The following ZNF682 variants were observed in gnomAD, a reference collection of about 807,000 sequenced individuals.
The protein encoded by ZNF682 is zinc finger protein 682.
A neutral mutation model predicts 36.5 loss-of-function variants in ZNF682; 29 were observed. That is an observed-to-expected ratio of 0.80 (90% CI 0.59 to 1.08). The LOEUF is 1.08. ZNF682 is among the 50% of genes least tolerant of loss of function. ZNF682 has a pLI of 0.00. For synonymous variants in ZNF682, 180 were observed against 197.0 expected, an observed-to-expected ratio of 0.91 and a Z score of 0.72; for missense variants, 561 against 579.7, an observed-to-expected ratio of 0.97 and a Z score of 0.33.
chr19:20,017,030 A>G (rs2088340290), intron 3 of ZNF682, among the ~76,000 whole-genome samples: 1 of 152,132 alleles, frequency 6.6e-6, no homozygotes, highest in South Asian at 2.1e-4. Context: ...ATAAACTCTC[A>G]TTTTTCAAGG....
intron 1 of ZNF682, 85 bp from the exon 2 acceptor site, chr19:20,024,461 T>C: frequency 7.0e-7 from 1 of 1,430,464 alleles, no homozygotes; most frequent in Non-Finnish European, 9.5e-7. Flanking sequence ...TGCTGTGACT[T>C]ATGAGAGTTA....
At chr19:20,024,136 G>T in intron 2 of ZNF682, 114 bp downstream of exon 2, 1 of 1,251,332 alleles carries the variant, frequency 8.0e-7, no homozygotes, top group Non-Finnish European at 1.1e-6. Context: ...TTCCTTGAAA[G>T]CAGAGATCTA....
In ZNF682 at chr19:20,035,270, G is replaced by A. The variant is rs188383006; in HGVS notation, c.3+4073C>T. 1.4e-3 allele frequency among the ~76,000 whole-genome samples: 210 copies of A among 151,986 alleles called. 1 individual carries two copies. Among genetic ancestry groups the A allele is most frequent in the Non-Finnish European group, 2.4e-3 (164 of 67,982 alleles). ...GACGGAGTTTTGCTCTTGTTGCCAC[G>A]GCTGGAGTGCAGTGGCATGATCTTG... is the stretch of plus-strand genomic sequence containing the variant. On this transcript the variant is annotated intron_variant, in intron 1 of 3. Transcript: ENST00000397165.
At chr19:20,010,080 C>T (rs2088270132) in intron 3 of ZNF682, among the ~76,000 whole-genome samples, 1 of 151,872 alleles carries the variant, frequency 6.6e-6, no homozygotes, top group Non-Finnish European at 1.5e-5. Context: ...ATTTTATGTT[C>T]CAGCAAACTA....
At chr19:19,996,736 G>C (rs971493933), downstream of ZNF682, among the ~76,000 whole-genome samples, 4 of 152,148 alleles carry the variant, frequency 2.6e-5, no homozygotes, top group African/African-American at 4.8e-5. Context: ...CTGCTCAGAT[G>C]ATGGGTGCGT....
rs1683653162 is a variant in ZNF682 at position 20,039,472 on chromosome 19, G to A, written c.-127C>T. Reference sequence around the variant, plus strand: ...GCAGAGGATACTAAGCAATGAAGATGGACCCTGAGCTCTGGCTGGAGCGAG... The same window carrying A: ...GCAGAGGATACTAAGCAATGAAGATAGACCCTGAGCTCTGGCTGGAGCGAG... On this transcript the variant is annotated 5_prime_UTR_variant, in exon 1 of 4. Coordinates refer to ENST00000397165, the MANE Select transcript of ZNF682 (RefSeq NM_033196.3). The A allele has an allele frequency of 1.1e-5, 14 of 1,316,926 alleles. No homozygotes were observed. The highest frequency in any genetic ancestry group is 1.9e-4 in the Middle Eastern group (1 of 5,372). The allele number at this position is 1,316,926 out of a possible 1,614,324, so 81.6% of individuals were successfully genotyped here. A position where few individuals can be genotyped will look rare whatever the true frequency, so the allele number is the denominator to read the frequency against.
Position 20,024,360 on chromosome 19 carries a change from C to G in ZNF682, c.20G>C (p.Arg7Thr). Residue 7 changes from arginine (R) to threonine (T), a missense_variant, in exon 2 of 4, where the codon AGG becomes ACG. Transcript: ENST00000397165. ...CAGAGAGAATTCTATGGTCACATCC[C>G]TGAATGTCAACAGTTCCTGAAAAAC... Reference protein sequence around the residue: MELLTFRDVTIEFSLEE... With the variant: MELLTFTDVTIEFSLEE... 1 of 1,611,606 alleles carries G rather than the reference C, an allele frequency of 6.2e-7. No homozygotes were observed. Among genetic ancestry groups the G allele is most frequent in the Non-Finnish European group, 8.5e-7 (1 of 1,179,214 alleles).
intron 3 of ZNF682, among the ~76,000 whole-genome samples, chr19:20,012,527 G>C (rs972103839): frequency 2.6e-5 from 4 of 152,100 alleles, no homozygotes; most frequent in African/African-American, 9.7e-5. Flanking sequence ...CAGCACTTTG[G>C]GAGGCCGAGG....
At chr19:20,019,231 T>A (rs1187342332) in intron 3 of ZNF682, among the ~76,000 whole-genome samples, 2 of 152,094 alleles carry the variant, frequency 1.3e-5, no homozygotes, top group South Asian at 4.1e-4. Context: ...CATTAACAAC[T>A]GTAACCACCC....
chr19:20,028,282 A>G (rs1395988710), intron 1 of ZNF682, among the ~76,000 whole-genome samples: 2 of 152,008 alleles, frequency 1.3e-5, no homozygotes. Context: ...ATCTCGGCTC[A>G]CTGCAATCTT....
intron 1 of ZNF682, 142 bp from the exon 2 acceptor site, chr19:20,024,518 T>C: frequency 9.7e-7 from 1 of 1,035,386 alleles, no homozygotes; most frequent in Non-Finnish European, 1.4e-6. Flanking sequence ...TTCTCTGATG[T>C]ATTCTCTAAC....
At chr19:20,031,937 G>C (rs772498047) in intron 1 of ZNF682, among the ~76,000 whole-genome samples, 9 of 152,202 alleles carry the variant, frequency 5.9e-5, no homozygotes, top group Non-Finnish European at 1.2e-4. Context: ...GAATAACATT[G>C]ATTAGTGATT....
At chr19:20,031,886 C>G (rs1475478597) in intron 1 of ZNF682, among the ~76,000 whole-genome samples, 1 of 151,918 alleles carries the variant, frequency 6.6e-6, no homozygotes, top group East Asian at 1.9e-4. Flanking sequence ...AAAAGTGGGC[C>G]GATAAAAAGT....
At chr19:20,020,153 G>A (rs928354253) in intron 3 of ZNF682, among the ~76,000 whole-genome samples, 2 of 152,028 alleles carry the variant, frequency 1.3e-5, no homozygotes, top group East Asian at 1.9e-4. Context: ...CACTGTTGGT[G>A]TGTTGTAAAC....
chr19:20,015,477 C>G, intron 3 of ZNF682: 3 of 936,168 alleles, frequency 3.2e-6, no homozygotes, highest in Non-Finnish European at 3.8e-6. Context: ...TGAATAAAAA[C>G]TAAAAAATAT....
At chr19:20,011,804 G>A (rs546807315) in intron 3 of ZNF682, among the ~76,000 whole-genome samples, 92 of 152,294 alleles carry the variant, frequency 6.0e-4, no homozygotes, top group Non-Finnish European at 5.9e-4. Context: ...TTGGGAGGCC[G>A]AGGCAGGCGG....
At chr19:20,011,812 C>A (rs1309866714) in intron 3 of ZNF682, among the ~76,000 whole-genome samples, 2 of 151,970 alleles carry the variant, frequency 1.3e-5, no homozygotes, top group African/African-American at 4.8e-5. Flanking sequence ...CCGAGGCAGG[C>A]GGATCACGAG....
At chr19:19,997,335 C>A (rs1223928609) in intron 3 of ZNF682, 4 of 398,364 alleles carry the variant, frequency 1.0e-5, no homozygotes. Flanking sequence ...CCTTTTCATA[C>A]CTCATAAATA....
rs2088414095 is a variant in ZNF682 at position 20,024,380 on chromosome 19, A to AAAAAC, written c.4-9_4-5dup. The AAAAAC allele has an allele frequency of 3.1e-6, 5 of 1,605,966 alleles. No individual in the cohort carries two copies. Among genetic ancestry groups the AAAAAC allele is most frequent in the South Asian group, 1.1e-5 (1 of 89,168 alleles). On this transcript the variant is annotated splice_region_variant and splice_polypyrimidine_tract_variant and intron_variant, in intron 1 of 3. Coordinates refer to ENST00000397165, the MANE Select transcript of ZNF682 (RefSeq NM_033196.3). ...CATCCCTGAATGTCAACAGTTCCTG[A>AAAAAC]AAAACAAAACAAAACATAGTGACCA...
Sources: allele counts gnomAD v4.1 joint callset (sites outside exome capture counted in the v4.1 genomes callset), GRCh38; gene constraint gnomAD v4.1.1; transcripts MANE v1.5; gene names NCBI Gene and HGNC (gene_info 2026-07-23, HGNC 2026-07-21).